The following ATXN10 variants were observed in gnomAD, a reference collection of about 807,000 sequenced individuals.
ATXN10 encodes the protein ataxin-10.
ATXN10 carries 28 observed loss-of-function variants against 52.9 expected under a neutral mutation model. The ratio of observed to expected loss-of-function variants is 0.53; its 90% confidence interval spans 0.39 to 0.73. ATXN10 has a LOEUF of 0.73. Among genes scored for constraint, ATXN10 ranks in the 30% least tolerant of loss-of-function variants. The pLI is 0.00. For missense variants in ATXN10, 565 were observed against 577.0 expected (o/e 0.98, Z 0.21); for synonymous variants, 226 against 221.5 (o/e 1.02, Z -0.18).
chr22:45,704,749 G>A (rs1383330628), intron 5 of ATXN10, among the ~76,000 whole-genome samples: 1 of 152,006 alleles, frequency 6.6e-6, no homozygotes, highest in Non-Finnish European at 1.5e-5. Flanking sequence ...TTTCTTTCCA[G>A]TTGGGTTGCC....
In ATXN10 at chr22:45,690,144, C is replaced by T. The variant is rs766221663; in HGVS notation, c.308+241C>T. On this transcript the variant is annotated intron_variant, in intron 2 of 11. Transcript: ENST00000252934. This position sits in a 1 kb window ranked among gnomAD's most constrained non-coding sequence, Gnocchi z 4.5. ...ACAAAAAATTAGCTGGACATGGTGG[C>T]GCACACCTGTAGTCCCAACTGCTCA... Among the ~76,000 whole-genome samples, 4 of 152,032 alleles carry T rather than the reference C, an allele frequency of 2.6e-5. No homozygotes were observed. Among genetic ancestry groups the T allele is most frequent in the East Asian group, 1.9e-4 (1 of 5,182 alleles).
chr22:45,801,018 A>T (rs1344403855), intron 9 of ATXN10, among the ~76,000 whole-genome samples: 2 of 152,200 alleles, frequency 1.3e-5, no homozygotes, highest in African/African-American at 4.8e-5. Context: ...TTATACCTCA[A>T]TAAAATGCCT....
At chr22:45,782,045 AC>A (rs1384907351) in intron 9 of ATXN10, among the ~76,000 whole-genome samples, 1 of 152,198 alleles carries the variant, frequency 6.6e-6, no homozygotes, top group African/African-American at 2.4e-5. Context: ...AAAACCATAA[AC>A]CTACAAATTC....
chr22:45,695,545 A>G (rs1446980310), intron 3 of ATXN10, among the ~76,000 whole-genome samples: 1 of 146,664 alleles, frequency 6.8e-6, no homozygotes, highest in East Asian at 2.1e-4. Context: ...GCTGGAGTGC[A>G]GTGGTGCGAT....
intron 7 of ATXN10, among the ~76,000 whole-genome samples, chr22:45,737,779 A>G (rs550012599): frequency 3.4e-5 from 5 of 149,070 alleles, no homozygotes; most frequent in African/African-American, 1.2e-4. Flanking sequence ...GCTCACTGCA[A>G]CCTCTGCCTC....
chr22:45,791,509 G>C (rs1927509399), intron 9 of ATXN10, among the ~76,000 whole-genome samples: 1 of 151,898 alleles, frequency 6.6e-6, no homozygotes, highest in African/African-American at 2.4e-5. Flanking sequence ...CATAAATAGG[G>C]GCTAAGCATG....
rs146545990 is a variant in ATXN10, at chr22:45,716,751, T to G, written c.648-1662T>G. Among the ~76,000 whole-genome samples the G allele has an allele frequency of 1.6e-4, 25 of 151,770 alleles. 1 individual carries two copies. The East Asian group carries it at 2.9e-3, about 18-fold the overall frequency. On this transcript the variant is annotated intron_variant, in intron 5 of 11. Transcript: ENST00000252934. ...CCTGAGTAAGTAAGAAAGAAAGAAA[T>G]AAAAGATGACAGAAATCAATGAAAC...
At position 45,823,788 on chromosome 22, in the gene ATXN10, C is replaced by G. The variant is rs75980952; in HGVS notation, c.1237+16766C>G. Among the ~76,000 whole-genome samples the G allele has an allele frequency of 6.6e-6, 1 of 152,052 alleles. No homozygotes were observed. The highest frequency in any genetic ancestry group is 1.5e-5 in the Non-Finnish European group (1 of 68,010). On this transcript the variant is annotated intron_variant, in intron 10 of 11. Transcript: ENST00000252934. The surrounding 1 kb of genome is among the most constrained non-coding windows in gnomAD (Gnocchi z 4.9). ...ATGTGCTGCACACTGTTCTAGCTGCCAGGGATACAATGGTTGATCAAAAAA... is the reference window on the plus strand; with the variant it reads ...ATGTGCTGCACACTGTTCTAGCTGCGAGGGATACAATGGTTGATCAAAAAA...
At chr22:45,725,903 A>T (rs772970585) in intron 6 of ATXN10, among the ~76,000 whole-genome samples, 2 of 151,956 alleles carry the variant, frequency 1.3e-5, no homozygotes, top group East Asian at 1.9e-4. Flanking sequence ...TTCTGCGTCT[A>T]TTGGGATGAT....
intron 9 of ATXN10, among the ~76,000 whole-genome samples, chr22:45,761,237 C>T (rs1926378570): frequency 6.6e-6 from 1 of 152,270 alleles, no homozygotes; most frequent in East Asian, 1.9e-4. Context: ...TCCCCAGCCT[C>T]AGCCTCCCAA....
At chr22:45,771,300 A>T (rs1224052499) in intron 9 of ATXN10, among the ~76,000 whole-genome samples, 3 of 152,172 alleles carry the variant, frequency 2.0e-5, no homozygotes, top group Admixed American at 2.0e-4. Context: ...TTTTTAATTT[A>T]ACCATTCTAA....
chr22:45,682,271 T>C (rs933830160), intron 1 of ATXN10, among the ~76,000 whole-genome samples: 3 of 152,160 alleles, frequency 2.0e-5, no homozygotes, highest in African/African-American at 7.2e-5. Flanking sequence ...CTTGTGGCTT[T>C]AATAACTTCC....
In ATXN10 at chr22:45,807,109, GTA is replaced by G. The variant is rs1928125807; in HGVS notation, c.1237+88_1237+89del. The G allele has an allele frequency of 3.8e-6, 4 of 1,054,514 alleles. No homozygotes were observed. In the East Asian group the frequency reaches 9.5e-5, roughly 25 times the overall value. 65.3% of individuals were successfully genotyped at this position (1,054,514 alleles called of 1,614,324 possible). On this transcript the variant is annotated intron_variant, in intron 10 of 11. Transcript: ENST00000252934. ...CCCTTGCCTCATGTTCATTCAGTAT[GTA>G]GCTGGCTGCCTTGCTTGCTTGTTTA...
At chr22:45,830,367 A>C (rs1172953814) in intron 10 of ATXN10, among the ~76,000 whole-genome samples, 1 of 152,202 alleles carries the variant, frequency 6.6e-6, no homozygotes, top group Non-Finnish European at 1.5e-5. Context: ...GAAAATTTTA[A>C]AATATTTTGC....
intron 8 of ATXN10, among the ~76,000 whole-genome samples, chr22:45,739,897 T>C (rs555468295): frequency 5.4e-4 from 83 of 152,312 alleles, no homozygotes; most frequent in Non-Finnish European, 1.1e-3. Context: ...AGAGAACATA[T>C]GCTGGCTTCT....
At chr22:45,682,487 T>G (rs1922966539) in intron 1 of ATXN10, among the ~76,000 whole-genome samples, 1 of 150,558 alleles carries the variant, frequency 6.6e-6, no homozygotes, top group Admixed American at 6.6e-5. Context: ...TTTAAATTTT[T>G]TTTGTAGAGA....
At chr22:45,755,950 C>T (rs1355853137) in intron 9 of ATXN10, among the ~76,000 whole-genome samples, 1 of 152,166 alleles carries the variant, frequency 6.6e-6, no homozygotes, top group Non-Finnish European at 1.5e-5. Context: ...CGCATAAGAA[C>T]CCAGGTGGCC....
chr22:45,815,149 A>T (rs1928416287), intron 10 of ATXN10, among the ~76,000 whole-genome samples: 1 of 152,218 alleles, frequency 6.6e-6, no homozygotes, highest in African/African-American at 2.4e-5. Flanking sequence ...GGAATACCAT[A>T]CGGCAGTAAA....
At position 45,823,122 on chromosome 22, in the gene ATXN10, A is replaced by C; in HGVS notation, c.1237+16100A>C. On this transcript the variant is annotated intron_variant, in intron 10 of 11. Transcript: ENST00000252934. This position sits in a 1 kb window ranked among gnomAD's most constrained non-coding sequence, Gnocchi z 4.9. ...TACATCTTGACATAAGTACAGATGT[A>C]TGTACGCATCACCCAGATGGAAATA... is the stretch of plus-strand genomic sequence containing the variant. 1 of 471,682 alleles carries C rather than the reference A, an allele frequency of 2.1e-6. No homozygotes were observed. Among genetic ancestry groups the C allele is most frequent in the Non-Finnish European group, 4.4e-6 (1 of 227,162 alleles). 29.2% of individuals were successfully genotyped at this position (471,682 alleles called of 1,614,324 possible).
Sources: gnomAD v4.1 joint callset for allele counts (sites outside exome capture counted in the v4.1 genomes callset) on GRCh38, gnomAD v4.1.1 for gene constraint, Gnocchi (gnomAD v3.1) non-coding constraint, MANE v1.5 for transcripts, NCBI Gene and HGNC (gene_info 2026-07-23, HGNC 2026-07-21) for gene names.